MPDZ: variants seen among roughly 807,000 people sequenced by gnomAD.
MPDZ encodes multiple PDZ domain protein.
In MPDZ, 234 loss-of-function variants were observed where a neutral mutation model predicts 239.1. The ratio of observed to expected loss-of-function variants is 0.98; its 90% CI spans 0.88 to 1.09. MPDZ has a LOEUF of 1.09. Among genes scored for constraint, MPDZ ranks in the 50% least tolerant of loss-of-function variants. MPDZ has a pLI of 0.00. For missense variants in MPDZ, 3,175 were observed against 2,510.0 expected (o/e 1.26, Z -5.66); for synonymous variants, 1,048 against 881.3 (o/e 1.19, Z -3.35).
At chr9:13,205,469 T>C (rs139206876) in intron 11 of MPDZ, among the ~76,000 whole-genome samples, 35 of 152,304 alleles carry the variant, frequency 2.3e-4, no homozygotes, top group African/African-American at 7.7e-4. Context: ...AAACAGCTTA[T>C]GAATGACATT....
intron 1 of MPDZ, among the ~76,000 whole-genome samples, chr9:13,268,152 TTA>T (rs71491605): frequency 4.2e-4 from 62 of 146,898 alleles, no homozygotes; most frequent in African/African-American, 8.7e-4. Context: ...AAAAGGAAAA[TTA>T]TATATATATA....
chr9:13,168,617 T>C (rs901600352), intron 21 of MPDZ, 53 bp from the exon 22 acceptor site: 11 of 1,233,780 alleles, frequency 8.9e-6, no homozygotes, highest in Admixed American at 2.8e-5. Context: ...TTTCAATTCA[T>C]TTTAATTTGA....
At chr9:13,121,476 C>T (rs1219765041) in intron 38 of MPDZ, among the ~76,000 whole-genome samples, 1 of 152,170 alleles carries the variant, frequency 6.6e-6, no homozygotes, top group African/African-American at 2.4e-5. Context: ...TTTCTGAAAA[C>T]TTAACGTATT....
At chr9:13,242,844 T>C (rs192519161) in intron 3 of MPDZ, among the ~76,000 whole-genome samples, 35 of 152,286 alleles carry the variant, frequency 2.3e-4, no homozygotes, top group African/African-American at 8.2e-4. Flanking sequence ...GTGCTGTACA[T>C]TGAAGGATGT....
chr9:13,268,689 A>C (rs931627203), intron 1 of MPDZ, among the ~76,000 whole-genome samples: 11 of 152,224 alleles, frequency 7.2e-5, no homozygotes, highest in Non-Finnish European at 1.3e-4. Context: ...GAGAGCAGTA[A>C]AGGGAAAGGC....
In MPDZ at chr9:13,152,891, G is replaced by T. The variant is rs532175513; in HGVS notation, c.3453-2203C>A. ...CATACATCTTGTGAAAAAGCAGGATGTAAGAAAGAGTAAGGTGATTTGCAG... is the reference window on the plus strand; with the variant it reads ...CATACATCTTGTGAAAAAGCAGGATTTAAGAAAGAGTAAGGTGATTTGCAG... On this transcript the variant is annotated intron_variant, in intron 24 of 46. Transcript: ENST00000319217. 2.0e-5 allele frequency among the ~76,000 whole-genome samples: 3 copies of T among 152,288 alleles called. No homozygotes were observed. The South Asian group carries it at 6.2e-4, about 32-fold the overall frequency.
chr9:13,238,931 TTAAA>T (rs959956614), intron 3 of MPDZ, among the ~76,000 whole-genome samples: 2 of 152,186 alleles, frequency 1.3e-5, no homozygotes, highest in African/African-American at 4.8e-5. Context: ...ACTGTGATTT[TTAAA>T]TAAATAAATA....
At chr9:13,132,217 T>C (rs1009281993) in intron 32 of MPDZ, among the ~76,000 whole-genome samples, 13 of 152,190 alleles carry the variant, frequency 8.5e-5, no homozygotes, top group Non-Finnish European at 1.6e-4. Context: ...CCAGCTTTTA[T>C]ATTGCAGAAT....
chr9:13,232,473 T>C (rs10738329), intron 3 of MPDZ, among the ~76,000 whole-genome samples: 128,455 of 151,950 alleles, frequency 0.85, 54,561 homozygotes, highest in East Asian at 0.99. Flanking sequence ...GATATTCAAA[T>C]GGAAAATTAT....
At chr9:13,202,958 T>G (rs1217910624) in intron 12 of MPDZ, among the ~76,000 whole-genome samples, 1 of 152,148 alleles carries the variant, frequency 6.6e-6, no homozygotes, top group Admixed American at 6.6e-5. Context: ...TCTGCCATCT[T>G]GTTGATGTCA....
chr9:13,112,599 C>T (rs1942680330), intron 42 of MPDZ, among the ~76,000 whole-genome samples: 3 of 152,184 alleles, frequency 2.0e-5, no homozygotes, highest in South Asian at 4.1e-4. Flanking sequence ...ATGATGATGA[C>T]ATGAAGTGTC....
At chr9:13,174,582 T>A (rs1952215525) in intron 21 of MPDZ, among the ~76,000 whole-genome samples, 1 of 152,188 alleles carries the variant, frequency 6.6e-6, no homozygotes, top group Non-Finnish European at 1.5e-5. Context: ...CATCCCAAAC[T>A]TTTAAACTTG....
At chr9:13,176,519 A>C (rs982506900) in intron 19 of MPDZ, 102 bp from the exon 20 acceptor site, 52 of 961,082 alleles carry the variant, frequency 5.4e-5, no homozygotes, top group Non-Finnish European at 7.1e-5. Context: ...AGTGAAATGT[A>C]AAACATAACA....
chr9:13,260,760 G>A (rs184240009), intron 1 of MPDZ, among the ~76,000 whole-genome samples: 6 of 152,242 alleles, frequency 3.9e-5, no homozygotes, highest in African/African-American at 9.6e-5. Context: ...AGCCACCTGC[G>A]AGCCACAGAC....
intron 3 of MPDZ, among the ~76,000 whole-genome samples, chr9:13,237,569 T>C (rs1964389506): frequency 6.6e-6 from 1 of 152,088 alleles, no homozygotes. Flanking sequence ...AGCTACTTTT[T>C]TTGTATCGTA....
At chr9:13,255,875 T>A (rs991329069) in intron 1 of MPDZ, among the ~76,000 whole-genome samples, 1 of 152,240 alleles carries the variant, frequency 6.6e-6, no homozygotes, top group African/African-American at 2.4e-5. Flanking sequence ...CATCACCATC[T>A]GCATTAGCTC....
chr9:13,176,164 G>C lies in MPDZ; in HGVS notation c.2903C>G (p.Pro968Arg), dbSNP rs754382614. ...PSEVISSAEL[P>R]SVLPDSAGKG... ...TCCAGCTGAATCGGGTAGCACAGAA[G>C]GAAGTTCTGCACTTGATATAACTTC... is the stretch of plus-strand genomic sequence containing the variant. The change falls in exon 20 of 47, where the codon CCT (proline) becomes CGT (arginine). Residue 968 changes from proline to arginine, a missense_variant. Pro to Arg is a moderately radical substitution (Grantham distance 103, BLOSUM62 -2). Coordinates refer to ENST00000319217, the MANE Select transcript of MPDZ (RefSeq NM_001378778.1). The C allele has an allele frequency of 6.2e-7, 1 of 1,601,724 alleles. No homozygotes were observed.
intron 22 of MPDZ, among the ~76,000 whole-genome samples, chr9:13,165,840 C>T (rs1043194546): frequency 1.3e-5 from 2 of 152,066 alleles, no homozygotes; most frequent in African/African-American, 4.8e-5. Flanking sequence ...GGTGAGGCTT[C>T]GCATCTGGTT....
chr9:13,165,349 C>T (rs778806045), intron 22 of MPDZ: 21 of 1,548,190 alleles, frequency 1.4e-5, no homozygotes, highest in Middle Eastern at 1.7e-4. Flanking sequence ...AATGAGCTTT[C>T]GAATCACTGA....
Sources: gnomAD v4.1 joint callset for allele counts (sites outside exome capture counted in the v4.1 genomes callset) on GRCh38, gnomAD v4.1.1 for gene constraint, MANE v1.5 for transcripts, NCBI Gene and HGNC (gene_info 2026-07-23, HGNC 2026-07-21) for gene names.